CASK: variants seen among roughly 807,000 people sequenced by gnomAD.
CASK encodes calcium/calmodulin dependent serine protein kinase, also known as peripheral plasma membrane protein CASK.
Under a neutral mutation model 82.9 loss-of-function variants are expected in CASK, and 4 were observed. The ratio of observed to expected loss-of-function variants is 0.05; its 90% CI spans 0.02 to 0.11. The LOEUF is 0.11. CASK is among the 10% of genes least tolerant of loss of function. The pLI is 1.00. For synonymous variants in CASK, 259 were observed against 253.5 expected (o/e 1.02, Z -0.20); for missense variants, 358 against 720.9 (o/e 0.50, Z 5.76).
intron 2 of CASK, among the ~76,000 whole-genome samples, chrX:41,849,752 T>C (rs919559046): frequency 1.2e-4 from 13 of 112,468 alleles, no homozygotes; most frequent in African/African-American, 4.2e-4. Context: ...TATTCAAAAA[T>C]ATCTCATCTG....
At chrX:41,883,172 A>G (rs2071983110) in intron 1 of CASK, among the ~76,000 whole-genome samples, 1 of 111,987 alleles carries the variant, frequency 8.9e-6, no homozygotes, top group Admixed American at 9.5e-5. Flanking sequence ...ATATGGATGT[A>G]TGATGGTTTC....
intron 5 of CASK, among the ~76,000 whole-genome samples, chrX:41,675,397 C>A (rs1032410819): frequency 8.9e-6 from 1 of 112,123 alleles, no homozygotes; most frequent in Admixed American, 9.4e-5. Flanking sequence ...CTTTTATTCC[C>A]CACCAGGACA....
chrX:41,628,104 T>C (rs969058325), intron 9 of CASK, among the ~76,000 whole-genome samples: 2 of 112,765 alleles, frequency 1.8e-5, no homozygotes, highest in African/African-American at 6.4e-5. Context: ...TAAAGCATTC[T>C]GTAAGTGCAT....
intron 1 of CASK, among the ~76,000 whole-genome samples, chrX:41,914,196 C>T (rs1396424221): frequency 8.9e-6 from 1 of 112,185 alleles, no homozygotes; most frequent in Non-Finnish European, 1.9e-5. Flanking sequence ...GAAATACAGA[C>T]TGAACATAGT....
chrX:41,563,688 A>ATT (rs1209259451), intron 16 of CASK, among the ~76,000 whole-genome samples: 1 of 109,907 alleles, frequency 9.1e-6, no homozygotes, highest in Non-Finnish European at 1.9e-5. Context: ...TTTAAAACTT[A>ATT]TTTTTTTTTA....
chrX:41,837,935 G>A, intron 2 of CASK, among the ~76,000 whole-genome samples: 1 of 112,232 alleles, frequency 8.9e-6, no homozygotes, highest in Non-Finnish European at 1.9e-5. Context: ...CTTTTCTGGA[G>A]TGACTGTACC....
At chrX:41,790,840 C>G (rs768485970) in intron 2 of CASK, among the ~76,000 whole-genome samples, 1 of 112,071 alleles carries the variant, frequency 8.9e-6, no homozygotes, top group East Asian at 2.8e-4. Flanking sequence ...ATGTTTGTTT[C>G]TAAATATGAA....
rs960930819 is a variant in CASK, at chrX:41,515,109, T to C, written c.*5311A>G. 1 of 112,548 alleles carries C rather than the reference T, an allele frequency of 8.9e-6. No individual in the cohort carries two copies. The highest frequency in any genetic ancestry group is 3.2e-5 in the African/African-American group (1 of 30,963). 9.3% of individuals were successfully genotyped at this position (112,548 alleles called of 1,213,427 possible). ...GATAACTGATTAGGGTTTCATCAAC[T>C]TGTACTGTGCCGGCAGCGCACCAGC... On this transcript the variant is annotated 3_prime_UTR_variant, in exon 27 of 27. Transcript: ENST00000378163.
intron 1 of CASK, among the ~76,000 whole-genome samples, chrX:41,892,652 T>A (rs1189160984): frequency 9.0e-6 from 1 of 111,683 alleles, no homozygotes. Flanking sequence ...TCTATTTTGA[T>A]AGGACTTTTT....
At chrX:41,772,116 C>T (rs1193055485) in intron 3 of CASK, among the ~76,000 whole-genome samples, 2 of 110,257 alleles carry the variant, frequency 1.8e-5, no homozygotes, top group Non-Finnish European at 3.8e-5. Context: ...TTTGAGAGGC[C>T]GAGGCAGGCG....
rs1294250668 is a variant in CASK at position 41,531,154 on chromosome X, T to C, written c.2373A>G (p.Val791=). The change falls in exon 25 of 27, where the codon GTA becomes GTG. Residue 791 remains valine, a synonymous_variant. Coordinates refer to ENST00000378163, the MANE Select transcript of CASK (RefSeq NM_001367721.1). The stretch of plus-strand genomic sequence containing the variant: ...TGTCTTGCATCATTTGGTCATGAGA[T>C]ACAAAGTAATAATTCTTTCCATTTT... ...DEENGKNYYF[V]SHDQMMQDIS... is the part of the protein sequence containing the mutation. 1.7e-6 allele frequency: 2 copies of C among 1,210,403 alleles called. No homozygotes were observed. Among genetic ancestry groups the C allele is most frequent in the Admixed American group, 4.3e-5 (2 of 46,049 alleles).
chrX:41,739,517 C>G (rs2068559387), intron 4 of CASK, 61 bp from the exon 5 acceptor site: 2 of 730,276 alleles, frequency 2.7e-6, no homozygotes, highest in African/African-American at 4.2e-5. Flanking sequence ...ACTTAATATA[C>G]AGTGCTCCTA....
At position 41,515,376 on chromosome X, in the gene CASK, T is replaced by C. The variant is rs1397623992; in HGVS notation, c.*5044A>G. On this transcript the variant is annotated 3_prime_UTR_variant, in exon 27 of 27. Transcript: ENST00000378163. ...GATACGGTGAAATATACAACAACCA[T>C]TAACATCTCTCTCTTTTTATCACTG... 1 of 112,346 alleles carries C rather than the reference T, an allele frequency of 8.9e-6. No individual in the cohort carries two copies. The highest frequency in any genetic ancestry group is 1.9e-5 in the Non-Finnish European group (1 of 53,251). 9.3% of individuals were successfully genotyped at this position (112,346 alleles called of 1,213,427 possible).
rs184716883 is a variant in CASK at position 41,610,226 on chromosome X, T to C, written c.1034-201A>G. On this transcript the variant is annotated intron_variant, in intron 11 of 26. Transcript: ENST00000378163. ...TTCAGAGAGTTCATGTTCTTATTAA[T>C]GTATTTGTGTGCTCTTCATTTTTCA... 3.5e-3 allele frequency among the ~76,000 whole-genome samples: 389 copies of C among 112,594 alleles called. 1 individual carries two copies. Among genetic ancestry groups the C allele is most frequent in the Non-Finnish European group, 5.2e-3 (279 of 53,280 alleles).
intron 3 of CASK, among the ~76,000 whole-genome samples, chrX:41,778,260 C>T (rs1487448609): frequency 3.7e-5 from 4 of 108,636 alleles, no homozygotes; most frequent in African/African-American, 6.7e-5. Context: ...GACTGAGTCT[C>T]GCTCTTGTTG....
At chrX:41,854,167 T>G (rs1430708290) in intron 1 of CASK, among the ~76,000 whole-genome samples, 1 of 108,426 alleles carries the variant, frequency 9.2e-6, no homozygotes, top group Admixed American at 9.8e-5. Flanking sequence ...TCAGCTGAGA[T>G]GATTTAAAGA....
chrX:41,818,744 C>G (rs1364683732), intron 2 of CASK, among the ~76,000 whole-genome samples: 1 of 109,145 alleles, frequency 9.2e-6, no homozygotes, highest in Non-Finnish European at 1.9e-5. Flanking sequence ...CAAATTTTAA[C>G]AAAATTGCAA....
chrX:41,717,250 C>G (rs893741870), intron 5 of CASK, among the ~76,000 whole-genome samples: 1 of 112,317 alleles, frequency 8.9e-6, no homozygotes, highest in Non-Finnish European at 1.9e-5. Flanking sequence ...TTGCTCCACC[C>G]GCGAGACGCA....
intron 16 of CASK, among the ~76,000 whole-genome samples, chrX:41,568,055 C>T (rs2065347298): frequency 1.2e-5 from 1 of 81,605 alleles, no homozygotes; most frequent in Non-Finnish European, 2.2e-5. Flanking sequence ...CACTTGGACA[C>T]AGGGCGGGGA....
Sources: gnomAD v4.1 joint callset for allele counts (sites outside exome capture counted in the v4.1 genomes callset) on GRCh38, gnomAD v4.1.1 for gene constraint, MANE v1.5 for transcripts, NCBI Gene and HGNC (gene_info 2026-07-23, HGNC 2026-07-21) for gene names.